The following MORF4L1 variants were observed in gnomAD, a reference collection of about 807,000 sequenced individuals.
MORF4L1 encodes the protein mortality factor 4 like 1.
Under a neutral mutation model 52.9 loss-of-function variants are expected in MORF4L1, and 4 were observed. The observed-to-expected ratio is 0.08, with a 90% CI of 0.04 to 0.17. The LOEUF (loss-of-function observed/expected upper bound fraction) is 0.17. MORF4L1 is among the 10% of genes least tolerant of loss of function. The pLI is 1.00. For synonymous variants in MORF4L1, 123 were observed against 134.8 expected, an observed-to-expected ratio of 0.91 and a Z score of 0.61; for missense variants, 214 against 390.4, an observed-to-expected ratio of 0.55 and a Z score of 3.81.
Position 78,897,988 on chromosome 15 carries a change from C to T in MORF4L1, c.*921C>T, listed in dbSNP as rs1039543399. 3 of 152,200 alleles carry T rather than the reference C, an allele frequency of 2.0e-5. No individual in the cohort carries two copies. Among genetic ancestry groups the T allele is most frequent in the African/African-American group, 7.2e-5 (3 of 41,516 alleles). The allele number at this position is 152,200 out of a possible 1,614,324, so 9.4% of individuals were successfully genotyped here. On this transcript the variant is annotated 3_prime_UTR_variant, in exon 12 of 12. Coordinates refer to ENST00000426013, the MANE Select transcript of MORF4L1 (RefSeq NM_006791.4). ...TCCCTAAATTATTACTTACTCTGAG[C>T]ATTAATTAAGGGCATTTTCACCTGT...
chr15:78,887,092 TG>T (rs1456596350), intron 4 of MORF4L1, among the ~76,000 whole-genome samples, 176 bp from the exon 5 acceptor site: 1 of 152,262 alleles, frequency 6.6e-6, no homozygotes, highest in Non-Finnish European at 1.5e-5. Flanking sequence ...TGATTTTAAT[TG>T]AGCCTTTTGC....
At chr15:78,896,961 G>C (rs1489093937) in intron 11 of MORF4L1, 22 bp from the exon 12 acceptor site, 1 of 1,600,956 alleles carries the variant, frequency 6.2e-7, no homozygotes, top group Admixed American at 1.7e-5. Context: ...AAAAATTTTT[G>C]TAATGAATAT....
intron 1 of MORF4L1, chr15:78,873,970 T>C (rs2056427104): frequency 1.3e-5 from 2 of 152,254 alleles, no homozygotes; most frequent in Non-Finnish European, 2.9e-5. Context: ...AATTGTTTGA[T>C]TAGTTGCAGT....
At chr15:78,876,384 C>G (rs540459940) in intron 1 of MORF4L1, 9 of 356,136 alleles carry the variant, frequency 2.5e-5, no homozygotes, top group Non-Finnish European at 5.1e-5. Flanking sequence ...TTGCACTGGA[C>G]TTGGTTTTCC....
Position 78,882,054 on chromosome 15 carries a change from A to T in MORF4L1, c.155+1475A>T, listed in dbSNP as rs570527028. ...AGATGTTTTCAGCTGAGAATTTATC[A>T]GACCTTTTACTTCCATTAATATAAA... On this transcript the variant is annotated intron_variant, in intron 3 of 11. Transcript: ENST00000426013. Among the ~76,000 whole-genome samples the T allele has an allele frequency of 1.5e-4, 23 of 152,348 alleles. No homozygotes were observed. In the East Asian group the frequency reaches 4.0e-3, roughly 27 times the overall value.
chr15:78,897,379 C>T lies in MORF4L1; in HGVS notation c.*312C>T, dbSNP rs867770514. Reference sequence around the variant, plus strand: ...TGGTGGTTCTATTCCTTTGACACTACGCACTTTTATAATACATGTTAATGC... The same window carrying T: ...TGGTGGTTCTATTCCTTTGACACTATGCACTTTTATAATACATGTTAATGC... On this transcript the variant is annotated 3_prime_UTR_variant, in exon 12 of 12. Transcript: ENST00000426013. 2.1e-5 allele frequency: 5 copies of T among 239,582 alleles called. No individual in the cohort carries two copies. The highest frequency in any genetic ancestry group is 8.9e-5 in the East Asian group (1 of 11,268). The allele number at this position is 239,582 out of a possible 1,614,324, so 14.8% of individuals were successfully genotyped here.
chr15:78,894,019 T>G, intron 9 of MORF4L1, 39 bp from the exon 10 acceptor site: 1 of 1,559,284 alleles, frequency 6.4e-7, no homozygotes, highest in Non-Finnish European at 8.8e-7. Flanking sequence ...TCAGTTATTT[T>G]TATTGACCAG....
At chr15:78,874,416 A>C (rs1031869079) in intron 1 of MORF4L1, among the ~76,000 whole-genome samples, 1 of 152,132 alleles carries the variant, frequency 6.6e-6, no homozygotes, top group African/African-American at 2.4e-5. Context: ...TTTGTCACCC[A>C]GGCTGTAGTG....
chr15:78,874,437 A>G (rs906865313), intron 1 of MORF4L1, among the ~76,000 whole-genome samples: 18 of 152,140 alleles, frequency 1.2e-4, no homozygotes, highest in Admixed American at 1.1e-3. Flanking sequence ...CAGTGACGCT[A>G]TCTCGGCTCA....
At chr15:78,886,912 G>A (rs1257945882) in intron 4 of MORF4L1, among the ~76,000 whole-genome samples, 5 of 149,800 alleles carry the variant, frequency 3.3e-5, no homozygotes, top group Admixed American at 6.7e-5. Flanking sequence ...CGGAGATCGC[G>A]CCACTGCAGT....
chr15:78,873,764 C>A (rs183381628), intron 1 of MORF4L1: 1 of 152,658 alleles, frequency 6.6e-6, no homozygotes, highest in Admixed American at 6.5e-5. Context: ...GTGAGATGAG[C>A]GTTTTCCTCC....
At chr15:78,892,703 C>T (rs533029815) in intron 8 of MORF4L1, 10 of 157,698 alleles carry the variant, frequency 6.3e-5, no homozygotes, top group Non-Finnish European at 1.3e-4. Flanking sequence ...TCTTACTAAG[C>T]GCCTGGATCT....
intron 3 of MORF4L1, among the ~76,000 whole-genome samples, chr15:78,884,499 C>T (rs1216498374): frequency 2.6e-5 from 4 of 151,172 alleles, no homozygotes; most frequent in Admixed American, 1.3e-4. Flanking sequence ...ATTAGCTGGG[C>T]GTGGTGGCGC....
chr15:78,895,265 T>C (rs1156703204), intron 11 of MORF4L1, among the ~76,000 whole-genome samples: 1 of 152,094 alleles, frequency 6.6e-6, no homozygotes, highest in Non-Finnish European at 1.5e-5. Context: ...CATAGTTCTA[T>C]AGTGTTCCAT....
intron 5 of MORF4L1, among the ~76,000 whole-genome samples, chr15:78,887,863 C>T (rs1321888108): frequency 6.6e-6 from 1 of 152,184 alleles, no homozygotes; most frequent in Non-Finnish European, 1.5e-5. Flanking sequence ...ACTGCAACCT[C>T]TGCCTCCTGG....
At chr15:78,884,513 C>T (rs901236572) in intron 3 of MORF4L1, among the ~76,000 whole-genome samples, 1 of 151,862 alleles carries the variant, frequency 6.6e-6, no homozygotes, top group East Asian at 1.9e-4. Context: ...GTGGCGCATG[C>T]CTGTAATCCC....
chr15:78,896,551 G>C (rs1051154035), intron 11 of MORF4L1, among the ~76,000 whole-genome samples: 1 of 151,670 alleles, frequency 6.6e-6, no homozygotes, highest in Non-Finnish European at 1.5e-5. Context: ...CAGGTGATCA[G>C]CTTGCCTTGG....
chr15:78,894,985 C>A, intron 11 of MORF4L1, 81 bp downstream of exon 11: 1 of 1,112,848 alleles, frequency 9.0e-7, no homozygotes, highest in African/African-American at 1.5e-5. Flanking sequence ...GATGCTAAAA[C>A]ATTAAACATT....
In MORF4L1 at chr15:78,897,017, G is replaced by A. The variant is rs1375884359; in HGVS notation, c.922G>A (p.Ala308Thr). The change falls in exon 12 of 12, where the codon GCC (alanine) becomes ACC (threonine). Residue 308 changes from alanine to threonine, a missense_variant. This residue lies in a region of MORF4L1 where 30 missense variants were observed against 34.6 expected (regional missense o/e 0.87). Coordinates refer to ENST00000426013, the MANE Select transcript of MORF4L1 (RefSeq NM_006791.4). Reference protein sequence around the residue: ...LAKNSATLFSASDYEVAPPEY... With the variant: ...LAKNSATLFSTSDYEVAPPEY... Reference sequence around the variant, plus strand: ...AAAGAATTCTGCAACTTTGTTCAGTGCCAGCGATTATGAAGTGGCTCCTCC... The same window carrying A: ...AAAGAATTCTGCAACTTTGTTCAGTACCAGCGATTATGAAGTGGCTCCTCC... 6.2e-7 allele frequency: 1 copy of A among 1,612,988 alleles called. No individual in the cohort carries two copies. Among genetic ancestry groups the A allele is most frequent in the Admixed American group, 1.7e-5 (1 of 59,998 alleles).
Sources: allele counts gnomAD v4.1 joint callset (sites outside exome capture counted in the v4.1 genomes callset), GRCh38; gene constraint gnomAD v4.1.1; regional missense constraint gnomAD v4.1.1; transcripts MANE v1.5; gene names NCBI Gene and HGNC (gene_info 2026-07-23, HGNC 2026-07-21).